Variants in AGPAT3 observed in about 807,000 individuals in gnomAD.
AGPAT3 encodes the protein 1-acyl-sn-glycerol-3-phosphate acyltransferase gamma.
AGPAT3 carries 5 observed loss-of-function variants against 47.3 expected under a neutral mutation model. That is an observed-to-expected ratio of 0.11 (90% CI 0.06 to 0.22). AGPAT3 has a LOEUF of 0.22. Among genes scored for constraint, AGPAT3 ranks in the 10% least tolerant of loss-of-function variants. AGPAT3 has a pLI of 1.00. For synonymous variants in AGPAT3, 212 were observed against 208.3 expected, an observed-to-expected ratio of 1.02 and a Z score of -0.15; for missense variants, 315 against 493.0, an observed-to-expected ratio of 0.64 and a Z score of 3.42.
chr21:43,983,208 C>G lies in AGPAT3; in HGVS notation c.*816C>G, dbSNP rs759229963. Reference sequence around the variant, plus strand: ...CTGGGTGCTGGGGAGGGAGGACCCTCGGGGCTACCGCGCGCCCCCCCATCC... The same window carrying G: ...CTGGGTGCTGGGGAGGGAGGACCCTGGGGGCTACCGCGCGCCCCCCCATCC... On this transcript the variant is annotated 3_prime_UTR_variant, in exon 10 of 10. Coordinates refer to ENST00000291572, the MANE Select transcript of AGPAT3 (RefSeq NM_020132.5). 1.3e-5 allele frequency: 2 copies of G among 152,250 alleles called. No homozygotes were observed. Among genetic ancestry groups the G allele is most frequent in the African/African-American group, 4.8e-5 (2 of 41,442 alleles). 9.4% of individuals were successfully genotyped at this position (152,250 alleles called of 1,614,324 possible).
At chr21:43,905,813 G>C (rs750000818) in intron 2 of AGPAT3, among the ~76,000 whole-genome samples, 4 of 152,220 alleles carry the variant, frequency 2.6e-5, no homozygotes, top group Non-Finnish European at 5.9e-5. Context: ...ACTGTACTCA[G>C]GGCTGAGAGG....
At chr21:43,935,272 A>G (rs1462068874) in intron 2 of AGPAT3, among the ~76,000 whole-genome samples, 1 of 152,270 alleles carries the variant, frequency 6.6e-6, no homozygotes, top group Non-Finnish European at 1.5e-5. Flanking sequence ...AGGCAGGCTC[A>G]GGACACACCA....
In AGPAT3 at chr21:43,968,106, A is replaced by T; in HGVS notation, c.339A>T (p.Gly113=). ...GGTGGACCATGTGTGAGCGCTTCGG[A>T]GTGCTGGGGGTGAGCGGGGACCTGG... ...LCGWTMCERF[G]VLGSSKVLAK... The change falls in exon 4 of 10, where the codon GGA becomes GGT. Residue 113 remains glycine (G), a synonymous_variant. Transcript: ENST00000291572. 1 of 1,582,112 alleles carries T rather than the reference A, an allele frequency of 6.3e-7. No individual in the cohort carries two copies.
At chr21:43,892,761 A>G (rs2086128098) in intron 1 of AGPAT3, among the ~76,000 whole-genome samples, 1 of 152,206 alleles carries the variant, frequency 6.6e-6, no homozygotes. Context: ...CCTAGATGGC[A>G]TCTTTTTCCA....
chr21:43,885,785 G>A (rs573851324), intron 1 of AGPAT3, among the ~76,000 whole-genome samples: 29 of 152,296 alleles, frequency 1.9e-4, no homozygotes, highest in African/African-American at 6.0e-4. Context: ...GTATACGGCC[G>A]GGGTTTGTGG....
chr21:43,893,037 G>A (rs1442691162), intron 1 of AGPAT3, among the ~76,000 whole-genome samples: 1 of 152,214 alleles, frequency 6.6e-6, no homozygotes, highest in Admixed American at 6.5e-5. Flanking sequence ...AGAGGTTGCA[G>A]TGAGCTGAGA....
At chr21:43,884,705 A>G (rs1441227445) in intron 1 of AGPAT3, among the ~76,000 whole-genome samples, 1 of 141,970 alleles carries the variant, frequency 7.0e-6, no homozygotes. Flanking sequence ...GGGTGGCCTG[A>G]TGCTGGGTGC....
Position 43,959,809 on chromosome 21 carries a change from A to G in AGPAT3, c.128A>G (p.Lys43Arg). The G allele has an allele frequency of 6.2e-7, 1 of 1,612,854 alleles. No individual in the cohort carries two copies. The highest frequency in any genetic ancestry group is 8.5e-7 in the Non-Finnish European group (1 of 1,179,908). The stretch of plus-strand genomic sequence containing the variant: ...ACGCTGGCGCTCTGGCCGGTCAGCA[A>G]GCAGCTCTACCGCCGCCTCAACTGC... Reference protein sequence around the residue: ...LCTLALWPVSKQLYRRLNCRL... With the variant: ...LCTLALWPVSRQLYRRLNCRL... The change falls in exon 3 of 10, where the codon AAG (lysine) becomes AGG (arginine). Residue 43 changes from lysine (K) to arginine (R), a missense_variant. Physicochemically the swap from Lys to Arg is conservative, Grantham distance 26. Coordinates refer to ENST00000291572, the MANE Select transcript of AGPAT3 (RefSeq NM_020132.5).
intron 1 of AGPAT3, among the ~76,000 whole-genome samples, chr21:43,900,401 C>T (rs1046441216): frequency 4.6e-5 from 7 of 152,276 alleles, no homozygotes; most frequent in African/African-American, 9.6e-5. Flanking sequence ...GGTGGCAGGC[C>T]GTGTGGACAG....
chr21:43,963,391 G>T (rs1381322671), intron 3 of AGPAT3, among the ~76,000 whole-genome samples: 2 of 152,096 alleles, frequency 1.3e-5, no homozygotes, highest in African/African-American at 4.8e-5. Context: ...CACCTAGGCA[G>T]GCCCTGGGGC....
At chr21:43,962,044 A>G (rs1401155376) in intron 3 of AGPAT3, among the ~76,000 whole-genome samples, 9 of 145,256 alleles carry the variant, frequency 6.2e-5, no homozygotes, top group Non-Finnish European at 1.2e-4. Flanking sequence ...TCTGTTGCCC[A>G]GGCTGGAGTG....
At chr21:43,962,192 C>T (rs898959578) in intron 3 of AGPAT3, among the ~76,000 whole-genome samples, 9 of 151,874 alleles carry the variant, frequency 5.9e-5, no homozygotes, top group Non-Finnish European at 8.8e-5. Context: ...TTAGTAGAGA[C>T]GGGGTTTCAC....
At chr21:43,878,649 A>G (rs907530587) in intron 1 of AGPAT3, among the ~76,000 whole-genome samples, 3 of 152,230 alleles carry the variant, frequency 2.0e-5, no homozygotes, top group Non-Finnish European at 2.9e-5. Flanking sequence ...ACCCTCTGCA[A>G]AGATCACGTC....
Position 43,939,216 on chromosome 21 carries a change from C to T in AGPAT3, c.-48-20418C>T, listed in dbSNP as rs562408724. ...TGACCCTGAGCGAGAATGCACTGGC[C>T]GGGCCTCCAGGGGGCGCTCCCTTAG... On this transcript the variant is annotated intron_variant, in intron 2 of 9. Transcript: ENST00000291572. The surrounding 1 kb of genome is among the most constrained non-coding windows in gnomAD (Gnocchi z 4.4). Among the ~76,000 whole-genome samples the T allele has an allele frequency of 1.3e-3, 197 of 152,226 alleles. No individual in the cohort carries two copies. Among genetic ancestry groups the T allele is most frequent in the Admixed American group, 2.0e-3 (31 of 15,302 alleles).
intron 2 of AGPAT3, among the ~76,000 whole-genome samples, chr21:43,928,363 C>T (rs182910122): frequency 9.2e-5 from 14 of 152,340 alleles, no homozygotes; most frequent in Admixed American, 4.6e-4. Flanking sequence ...TGGCAAGCCC[C>T]GTCATTCCGG....
Position 43,981,562 on chromosome 21 carries a change from C to A in AGPAT3, c.1042+375C>A. 3.0e-6 allele frequency: 1 copy of A among 328,130 alleles called. No homozygotes were observed. The highest frequency in any genetic ancestry group is 3.2e-5 in the South Asian group (1 of 30,890). The allele number at this position is 328,130 out of a possible 1,614,324, so 20.3% of individuals were successfully genotyped here. A position where few individuals can be genotyped will look rare whatever the true frequency, so the allele number is the denominator to read the frequency against. ...GAGGTTTAAGCAGGACATCATCATTCAGCTCCTCCCCATTGACCCCCAGTG... is the reference window on the plus strand; with the variant it reads ...GAGGTTTAAGCAGGACATCATCATTAAGCTCCTCCCCATTGACCCCCAGTG... On this transcript the variant is annotated intron_variant, in intron 9 of 9. Transcript: ENST00000291572. This position sits in a 1 kb window ranked among gnomAD's most constrained non-coding sequence, Gnocchi z 5.3.
chr21:43,897,550 G>T (rs985840449), intron 1 of AGPAT3, among the ~76,000 whole-genome samples: 17 of 151,572 alleles, frequency 1.1e-4, no homozygotes, highest in African/African-American at 3.9e-4. Flanking sequence ...ATCCCAGAGG[G>T]GGCGGCCGGG....
Position 43,976,698 on chromosome 21 carries a change from TAATAGCCTG to T in AGPAT3, c.768-1338_768-1330del, listed in dbSNP as rs1053717127. On this transcript the variant is annotated intron_variant, in intron 7 of 9. Coordinates refer to ENST00000291572, the MANE Select transcript of AGPAT3 (RefSeq NM_020132.5). ...ATATAAACAACCTGTTTATATAAATTAATAGCCTGAATAGCCTGTTTTGAATAGTAGCCA... is the reference window on the plus strand; with the variant it reads ...ATATAAACAACCTGTTTATATAAATTAATAGCCTGTTTTGAATAGTAGCCA... Among the ~76,000 whole-genome samples, 47 of 152,344 alleles carry T rather than the reference TAATAGCCTG, an allele frequency of 3.1e-4. No homozygotes were observed. In the Middle Eastern group the frequency reaches 0.01, roughly 33 times the overall value.
intron 1 of AGPAT3, among the ~76,000 whole-genome samples, chr21:43,884,008 G>A (rs1012299071): frequency 6.6e-6 from 1 of 152,142 alleles, no homozygotes; most frequent in Admixed American, 6.5e-5. Flanking sequence ...GGGATTACAG[G>A]TGTGAGCCAC....
Sources: gnomAD v4.1 joint callset for allele counts (sites outside exome capture counted in the v4.1 genomes callset) on GRCh38, gnomAD v4.1.1 for gene constraint, Gnocchi (gnomAD v3.1) non-coding constraint, MANE v1.5 for transcripts, NCBI Gene and HGNC (gene_info 2026-07-23, HGNC 2026-07-21) for gene names.